The following AGMO variants were observed in gnomAD, a reference collection of about 807,000 sequenced individuals.
AGMO encodes glyceryl-ether monooxygenase.
Under a neutral mutation model 60.2 loss-of-function variants are expected in AGMO, and 75 were observed. That is an observed-to-expected ratio of 1.25 (90% CI 1.03 to 1.51). The LOEUF (loss-of-function observed/expected upper bound fraction) is 1.51, where lower values mean the gene tolerates loss of function less well. AGMO is among the 40% of genes most tolerant of loss of function. The pLI is 0.00. For missense variants in AGMO, 763 were observed against 525.5 expected, an observed-to-expected ratio of 1.45 and a Z score of -4.42; for synonymous variants, 261 against 177.1, an observed-to-expected ratio of 1.47 and a Z score of -3.76.
intron 12 of AGMO, among the ~76,000 whole-genome samples, chr7:15,241,592 G>C (rs1782590545): frequency 6.6e-6 from 1 of 151,424 alleles, no homozygotes; most frequent in Non-Finnish European, 1.5e-5. Context: ...CTCCATCCTA[G>C]TAAAGGAAGA....
chr7:15,327,392 G>A (rs1026616184), intron 12 of AGMO, among the ~76,000 whole-genome samples: 11 of 152,074 alleles, frequency 7.2e-5, no homozygotes, highest in African/African-American at 1.7e-4. Flanking sequence ...GCTTGGAACC[G>A]GATACAAAAA....
At chr7:15,316,179 A>G (rs1351668731) in intron 12 of AGMO, among the ~76,000 whole-genome samples, 1 of 152,176 alleles carries the variant, frequency 6.6e-6, no homozygotes, top group African/African-American at 2.4e-5. Flanking sequence ...GGAAAAACAA[A>G]ACACAGTAAT....
chr7:15,249,073 A>C (rs1348634623), intron 12 of AGMO, among the ~76,000 whole-genome samples: 1 of 152,206 alleles, frequency 6.6e-6, no homozygotes, highest in Admixed American at 6.5e-5. Context: ...TGGCCAGGAA[A>C]ATAGGATGAG....
chr7:15,444,408 A>G (rs938635698), intron 3 of AGMO, among the ~76,000 whole-genome samples: 14 of 152,316 alleles, frequency 9.2e-5, no homozygotes, highest in South Asian at 4.1e-4. Flanking sequence ...AGAATGAACT[A>G]TTTACTCCCT....
intron 8 of AGMO, 112 bp downstream of exon 8, chr7:15,390,540 ATTTTTTAACAGTTAAAAAT>A (rs1370672765): frequency 1.6e-5 from 9 of 554,888 alleles, no homozygotes; most frequent in Non-Finnish European, 2.4e-5. Context: ...TTATTTGTAA[ATTTTTTAACAGTTAAAAAT>A]TTTTTCAGGT....
chr7:15,198,294 A>G (rs1271138502), downstream of AGMO, among the ~76,000 whole-genome samples: 2 of 150,368 alleles, frequency 1.3e-5, no homozygotes, highest in African/African-American at 4.9e-5. Flanking sequence ...TCCTTCCAGT[A>G]AGCATACATT....
At chr7:15,222,426 T>C (rs987864907) in intron 12 of AGMO, among the ~76,000 whole-genome samples, 6 of 152,024 alleles carry the variant, frequency 3.9e-5, no homozygotes, top group African/African-American at 1.4e-4. Context: ...AGACAGTGAG[T>C]GGCTAGAGCG....
chr7:15,234,103 T>A (rs749969100), intron 12 of AGMO, among the ~76,000 whole-genome samples: 45 of 152,102 alleles, frequency 3.0e-4, no homozygotes, highest in Non-Finnish European at 5.6e-4. Flanking sequence ...GAAATAAATC[T>A]TCACCTGAAA....
At chr7:15,525,760 C>T (rs1360322990) in intron 3 of AGMO, among the ~76,000 whole-genome samples, 1 of 152,102 alleles carries the variant, frequency 6.6e-6, no homozygotes, top group East Asian at 1.9e-4. Context: ...GCCCAGGAGC[C>T]CCAGGCTGGA....
intron 12 of AGMO, among the ~76,000 whole-genome samples, chr7:15,322,555 T>A (rs1330632557): frequency 1.8e-5 from 1 of 55,716 alleles, no homozygotes; most frequent in South Asian, 5.5e-4. Flanking sequence ...TAAATATATA[T>A]AAATATATAA....
At chr7:15,364,598 T>C (rs1278676462) in intron 12 of AGMO, among the ~76,000 whole-genome samples, 5 of 152,026 alleles carry the variant, frequency 3.3e-5, no homozygotes, top group African/African-American at 1.2e-4. Flanking sequence ...ATACACCGAT[T>C]CGCGTGTGTG....
chr7:15,394,785 C>A (rs1460386560), intron 5 of AGMO, among the ~76,000 whole-genome samples: 7 of 152,170 alleles, frequency 4.6e-5, no homozygotes. Flanking sequence ...GGTGATCCTA[C>A]TTATTCAAAT....
At chr7:15,491,215 T>A (rs1431131144) in intron 3 of AGMO, among the ~76,000 whole-genome samples, 2 of 152,134 alleles carry the variant, frequency 1.3e-5, no homozygotes, top group East Asian at 1.9e-4. Context: ...TAAGAACTCA[T>A]GGTTTAGTCG....
intron 12 of AGMO, among the ~76,000 whole-genome samples, chr7:15,297,368 C>T (rs1784434681): frequency 6.6e-6 from 1 of 152,030 alleles, no homozygotes; most frequent in African/African-American, 2.4e-5. Context: ...TAGTTATTGG[C>T]ATTATGGAAT....
At chr7:15,361,539 C>CAAAAAAAAAAAA (rs200175234) in intron 12 of AGMO, among the ~76,000 whole-genome samples, 2 of 29,550 alleles carry the variant, frequency 6.8e-5, no homozygotes, top group Non-Finnish European at 1.3e-4. Flanking sequence ...GACTGTGTCT[C>CAAAAAAAAAAAA]AAAAAAAAAA....
intron 12 of AGMO, among the ~76,000 whole-genome samples, chr7:15,355,007 T>C (rs1243990638): frequency 5.9e-5 from 9 of 152,106 alleles, no homozygotes; most frequent in African/African-American, 1.9e-4. Context: ...GGTAAAATGA[T>C]AAATATTTGG....
intron 3 of AGMO, among the ~76,000 whole-genome samples, chr7:15,431,358 T>C (rs1781234647): frequency 1.3e-5 from 2 of 151,894 alleles, no homozygotes; most frequent in African/African-American, 4.8e-5. Flanking sequence ...TATAATTAAA[T>C]GCCTCCAACA....
intron 12 of AGMO, among the ~76,000 whole-genome samples, chr7:15,297,666 T>C (rs1487814264): frequency 6.6e-6 from 1 of 152,192 alleles, no homozygotes; most frequent in East Asian, 1.9e-4. Context: ...CTAACTAGCA[T>C]ACCCCCCTTC....
rs571757329 is a variant in AGMO at position 15,353,967 on chromosome 7, C to T, written c.1263+11547G>A. ...TTTAAAAACCCATACAAAGCCAATA[C>T]ATTTTGGAAAATTTCATGTGATAGT... On this transcript the variant is annotated intron_variant, in intron 12 of 12. Transcript: ENST00000342526. 3.3e-5 allele frequency among the ~76,000 whole-genome samples: 5 copies of T among 152,210 alleles called. No individual in the cohort carries two copies. The South Asian group carries it at 6.2e-4, about 19-fold the overall frequency.
Sources: allele counts gnomAD v4.1 joint callset (sites outside exome capture counted in the v4.1 genomes callset), GRCh38; gene constraint gnomAD v4.1.1; transcripts MANE v1.5; gene names NCBI Gene and HGNC (gene_info 2026-07-23, HGNC 2026-07-21).